The following AZIN1 variants were observed in gnomAD, a reference collection of about 807,000 sequenced individuals.
The protein encoded by AZIN1 is antizyme inhibitor 1, also known as ornithine decarboxylase antizyme inhibitor.
Under a neutral mutation model 47.4 loss-of-function variants are expected in AZIN1, and 12 were observed. That is an observed-to-expected ratio of 0.25 (90% CI 0.16 to 0.41). The LOEUF (loss-of-function observed/expected upper bound fraction) is 0.41. Ranked by LOEUF, AZIN1 falls within the 10% of genes least tolerant of loss-of-function variation. The pLI, the probability that AZIN1 is intolerant of heterozygous loss-of-function variation, is 1.00. For synonymous variants in AZIN1, 155 were observed against 176.3 expected (o/e 0.88, Z 0.96); for missense variants, 410 against 532.4 (o/e 0.77, Z 2.26).
In AZIN1 at chr8:102,843,546, C is replaced by CT; in HGVS notation, c.102+4dup. 6.2e-7 allele frequency: 1 copy of CT among 1,610,412 alleles called. No homozygotes were observed. Among genetic ancestry groups the CT allele is most frequent in the Non-Finnish European group, 8.5e-7 (1 of 1,177,110 alleles). On this transcript the variant is annotated splice_donor_region_variant and intron_variant, in intron 3 of 11. Coordinates refer to ENST00000337198, the MANE Select transcript of AZIN1 (RefSeq NM_148174.4). ...CAAACACTGTATTTGAGAAATGGCA[C>CT]TTACCAGGGTATGTTCATAAACATA...
chr8:102,836,500 T>A, intron 5 of AZIN1, 110 bp from the exon 6 acceptor site: 1 of 1,194,854 alleles, frequency 8.4e-7, no homozygotes, highest in Non-Finnish European at 1.2e-6. Context: ...TGCTCCCAAA[T>A]CCAGCGACGG....
chr8:102,862,914 A>T (rs1813792457), intron 1 of AZIN1, among the ~76,000 whole-genome samples: 1 of 152,212 alleles, frequency 6.6e-6, no homozygotes, highest in African/African-American at 2.4e-5. Context: ...ACATGTTACC[A>T]CCACCAACTG....
rs75742611 is a variant in AZIN1 at position 102,843,849 on chromosome 8, G to A, written c.-95-102C>T. The A allele has an allele frequency of 4.2e-3, 3,335 of 795,918 alleles. 80 individuals are homozygous for A. The East Asian group carries it at 0.061, about 15-fold the overall frequency. 49.3% of individuals were successfully genotyped at this position (795,918 alleles called of 1,614,324 possible). A position where few individuals can be genotyped will look rare whatever the true frequency, so the allele number is the denominator to read the frequency against. On this transcript the variant is annotated intron_variant, in intron 2 of 11. Coordinates refer to ENST00000337198, the MANE Select transcript of AZIN1 (RefSeq NM_148174.4). ...GTGCCTAATTTAGTGAGGAATTTAC[G>A]CAATTTTACAATTTCAGAAACATCA...
chr8:102,836,464 A>G, intron 5 of AZIN1, 74 bp from the exon 6 acceptor site: 1 of 1,500,072 alleles, frequency 6.7e-7, no homozygotes, highest in Non-Finnish European at 9.2e-7. Flanking sequence ...TGAAGATTGT[A>G]GGAAGTGTGT....
At chr8:102,828,994 A>G (rs576029639) in intron 11 of AZIN1, among the ~76,000 whole-genome samples, 1 of 152,366 alleles carries the variant, frequency 6.6e-6, no homozygotes, top group Admixed American at 6.5e-5. Flanking sequence ...CCACTGCATT[A>G]CAACTGCCAA....
intron 5 of AZIN1, among the ~76,000 whole-genome samples, chr8:102,838,416 T>C (rs1811959768): frequency 6.6e-6 from 1 of 152,150 alleles, no homozygotes; most frequent in Non-Finnish European, 1.5e-5. Flanking sequence ...CCTAACGTTA[T>C]CAAACATCAA....
At position 102,846,471 on chromosome 8, in the gene AZIN1, T is replaced by C. The variant is rs541402576; in HGVS notation, c.-95-2724A>G. On this transcript the variant is annotated intron_variant, in intron 2 of 11. Coordinates refer to ENST00000337198, the MANE Select transcript of AZIN1 (RefSeq NM_148174.4). ...CAGCCTAAGTGTTTCATCTATTCAATATTAATTCTCTTAACCCTTAAAACC... is the reference window on the plus strand; with the variant it reads ...CAGCCTAAGTGTTTCATCTATTCAACATTAATTCTCTTAACCCTTAAAACC... 3.9e-5 allele frequency among the ~76,000 whole-genome samples: 6 copies of C among 152,366 alleles called. 1 individual carries two copies. In the South Asian group the frequency reaches 1.2e-3, roughly 32 times the overall value.
chr8:102,852,396 C>T (rs925380854), intron 2 of AZIN1, among the ~76,000 whole-genome samples: 4 of 151,872 alleles, frequency 2.6e-5, no homozygotes, highest in Admixed American at 6.6e-5. Context: ...ACCAACATGG[C>T]GAAACCTTGT....
At chr8:102,834,052 C>T in intron 8 of AZIN1, 137 bp downstream of exon 8, 1 of 634,978 alleles carries the variant, frequency 1.6e-6, no homozygotes, top group East Asian at 2.8e-5. Flanking sequence ...CTGCCTATTC[C>T]TTTTCTAAGA....
At chr8:102,829,165 C>T (rs1811280067) in intron 11 of AZIN1, 107 bp downstream of exon 11, 3 of 975,224 alleles carry the variant, frequency 3.1e-6, no homozygotes, top group Admixed American at 2.3e-5. Flanking sequence ...ATAGGCAATA[C>T]ATGACTGTAC....
intron 4 of AZIN1, among the ~76,000 whole-genome samples, chr8:102,839,158 C>G (rs1812017101): frequency 6.6e-6 from 1 of 152,076 alleles, no homozygotes; most frequent in Non-Finnish European, 1.5e-5. Context: ...CTGTGCCTAG[C>G]CAAACCAATA....
intron 2 of AZIN1, among the ~76,000 whole-genome samples, chr8:102,846,399 G>A (rs1176777474): frequency 3.9e-5 from 6 of 152,140 alleles, no homozygotes; most frequent in Non-Finnish European, 7.3e-5. Context: ...CTGACTGCCT[G>A]CTAAGCTAGC....
chr8:102,844,550 C>G (rs948488947), intron 2 of AZIN1, among the ~76,000 whole-genome samples: 1 of 151,874 alleles, frequency 6.6e-6, no homozygotes, highest in Non-Finnish European at 1.5e-5. Context: ...AAGACCTCGT[C>G]CTGGCTATAT....
intron 1 of AZIN1, among the ~76,000 whole-genome samples, chr8:102,863,142 T>C (rs1813837113): frequency 6.6e-6 from 1 of 152,334 alleles, no homozygotes; most frequent in South Asian, 2.1e-4. Flanking sequence ...AGCCTCTCGC[T>C]GGCTACCTGA....
intron 1 of AZIN1, 132 bp from the exon 2 acceptor site, chr8:102,858,282 A>G (rs1371659566): frequency 5.1e-6 from 2 of 391,988 alleles, no homozygotes; most frequent in Non-Finnish European, 9.0e-6. Context: ...TACACAAGTG[A>G]TATTTTCAAA....
At chr8:102,858,284 A>G (rs1300299687) in intron 1 of AZIN1, 134 bp from the exon 2 acceptor site, 1 of 391,706 alleles carries the variant, frequency 2.6e-6, no homozygotes, top group East Asian at 3.6e-5. Context: ...CACAAGTGAT[A>G]TTTTCAAAGG....
At chr8:102,858,521 CA>C (rs1451572899) in intron 1 of AZIN1, among the ~76,000 whole-genome samples, 1 of 152,044 alleles carries the variant, frequency 6.6e-6, no homozygotes, top group African/African-American at 2.4e-5. Context: ...GTACCCTCAC[CA>C]ACCTAGTGTA....
intron 1 of AZIN1, among the ~76,000 whole-genome samples, chr8:102,863,567 G>C (rs1813896731): frequency 6.6e-6 from 1 of 150,602 alleles, no homozygotes; most frequent in Non-Finnish European, 1.5e-5. Context: ...CTGCGGCTCC[G>C]GCTCCGCCAA....
chr8:102,854,855 T>C (rs1460800329), intron 2 of AZIN1, among the ~76,000 whole-genome samples: 2 of 151,856 alleles, frequency 1.3e-5, no homozygotes, highest in East Asian at 3.9e-4. Flanking sequence ...CTGAATCCCT[T>C]TTCCATACTG....
Sources: gnomAD v4.1 joint callset for allele counts (sites outside exome capture counted in the v4.1 genomes callset) on GRCh38, gnomAD v4.1.1 for gene constraint, MANE v1.5 for transcripts, NCBI Gene and HGNC (gene_info 2026-07-23, HGNC 2026-07-21) for gene names.